SLC39A11: variants seen among roughly 807,000 people sequenced by gnomAD.
SLC39A11 encodes the protein zinc transporter ZIP11.
Under a neutral mutation model 36.1 loss-of-function variants are expected in SLC39A11, and 33 were observed. The observed-to-expected ratio is 0.91, with a 90% CI of 0.69 to 1.22. The LOEUF (loss-of-function observed/expected upper bound fraction) is 1.22, where lower values mean the gene tolerates loss of function less well. Ranked by LOEUF, SLC39A11 falls within the 50% of genes most tolerant of loss-of-function variation. The pLI, the probability that SLC39A11 is intolerant of heterozygous loss-of-function variation, is 0.00. For synonymous variants in SLC39A11, 166 were observed against 170.3 expected, an observed-to-expected ratio of 0.97 and a Z score of 0.20; for missense variants, 432 against 430.3, an observed-to-expected ratio of 1.00 and a Z score of -0.03.
chr17:73,084,074 G>A (rs2144802249), intron 3 of SLC39A11, among the ~76,000 whole-genome samples: 1 of 152,272 alleles, frequency 6.6e-6, no homozygotes, highest in East Asian at 1.9e-4. Context: ...TGTCAATAAT[G>A]ATTGAAGTTG....
chr17:72,983,448 C>CTGT (rs1377040790), intron 4 of SLC39A11, among the ~76,000 whole-genome samples: 1 of 152,174 alleles, frequency 6.6e-6, no homozygotes, highest in East Asian at 1.9e-4. Flanking sequence ...TGTGCCCAGC[C>CTGT]TGTTGTTGTT....
rs371669840 is a variant in SLC39A11 at position 72,891,114 on chromosome 17, G to T, written c.431-41310C>A. 1.3e-4 allele frequency among the ~76,000 whole-genome samples: 20 copies of T among 152,042 alleles called. No individual in the cohort carries two copies. In the East Asian group the frequency reaches 2.7e-3, roughly 21 times the overall value. ...GTTGGGGGGTGGGGGGTGGCAGGGC[G>T]GAGGGAAGACTTTTCCAGATAAAAG... is the stretch of plus-strand genomic sequence containing the variant. On this transcript the variant is annotated intron_variant, in intron 5 of 9. Transcript: ENST00000255559.
At chr17:72,895,464 A>G (rs1192737321) in intron 5 of SLC39A11, among the ~76,000 whole-genome samples, 1 of 152,078 alleles carries the variant, frequency 6.6e-6, no homozygotes, top group Non-Finnish European at 1.5e-5. Context: ...CTGTAATCCC[A>G]GCTACATGGG....
chr17:72,981,609 A>G lies in SLC39A11; in HGVS notation c.307-33734T>C, dbSNP rs983677639. On this transcript the variant is annotated intron_variant, in intron 4 of 9. Transcript: ENST00000255559. ...TATTTAAATGCAAAAAAAAAAAAAA[A>G]GGAAACCAAGTTGTAGAAAAAAAAT... 3.3e-4 allele frequency among the ~76,000 whole-genome samples: 38 copies of G among 116,818 alleles called. 1 individual carries two copies. Among genetic ancestry groups the G allele is most frequent in the African/African-American group, 1.1e-3 (37 of 33,708 alleles). The allele number at this position is 116,818 out of a possible 152,430, so 76.6% of individuals were successfully genotyped here.
intron 4 of SLC39A11, among the ~76,000 whole-genome samples, chr17:72,971,023 C>T (rs751629137): frequency 3.3e-5 from 5 of 152,160 alleles, no homozygotes; most frequent in Non-Finnish European, 5.9e-5. Context: ...CTTCCTTATG[C>T]GGCCGGATGT....
chr17:72,673,152 G>C (rs2071093259), intron 7 of SLC39A11, among the ~76,000 whole-genome samples: 1 of 152,010 alleles, frequency 6.6e-6, no homozygotes, highest in African/African-American at 2.4e-5. Flanking sequence ...CTGTCACCCA[G>C]GCTGGAGAGC....
rs138898190 is a variant in SLC39A11 at position 73,080,860 on chromosome 17, G to A, written c.147+3948C>T. On this transcript the variant is annotated intron_variant, in intron 3 of 9. Transcript: ENST00000255559. ...CTTGGGAGGCTGAGGCAGGAGAATCGCTTGAACCCTGGTGACAGAGGATGC... is the reference window on the plus strand; with the variant it reads ...CTTGGGAGGCTGAGGCAGGAGAATCACTTGAACCCTGGTGACAGAGGATGC... Among the ~76,000 whole-genome samples the A allele has an allele frequency of 2.7e-3, 418 of 152,106 alleles. 1 individual carries two copies. Among genetic ancestry groups the A allele is most frequent in the African/African-American group, 9.5e-3 (396 of 41,490 alleles).
At chr17:72,659,065 G>A (rs2070287368) in intron 7 of SLC39A11, among the ~76,000 whole-genome samples, 1 of 152,148 alleles carries the variant, frequency 6.6e-6, no homozygotes, top group Non-Finnish European at 1.5e-5. Flanking sequence ...TCCTGCAGTG[G>A]CAACTTGGCC....
At chr17:72,786,179 C>A (rs1457364878) in intron 6 of SLC39A11, among the ~76,000 whole-genome samples, 1 of 152,174 alleles carries the variant, frequency 6.6e-6, no homozygotes, top group Non-Finnish European at 1.5e-5. Flanking sequence ...GCCTGGGCAC[C>A]CAGCTGGAAT....
intron 6 of SLC39A11, among the ~76,000 whole-genome samples, chr17:72,769,991 T>C (rs2075879494): frequency 6.6e-6 from 1 of 152,148 alleles, no homozygotes; most frequent in Non-Finnish European, 1.5e-5. Flanking sequence ...ACTGAACCAA[T>C]ATACCTCCTA....
chr17:72,802,011 C>T (rs2077100300), intron 6 of SLC39A11, among the ~76,000 whole-genome samples: 1 of 152,198 alleles, frequency 6.6e-6, no homozygotes, highest in African/African-American at 2.4e-5. Context: ...TCCGTAGAAT[C>T]ACTGTGAAGA....
chr17:73,030,797 C>A (rs1456835324), intron 4 of SLC39A11, among the ~76,000 whole-genome samples: 1 of 152,152 alleles, frequency 6.6e-6, no homozygotes, highest in African/African-American at 2.4e-5. Context: ...CAATGGCTTG[C>A]GGTTCCCATC....
chr17:72,738,858 G>T (rs554445423), intron 6 of SLC39A11, among the ~76,000 whole-genome samples: 3 of 152,282 alleles, frequency 2.0e-5, no homozygotes, highest in South Asian at 4.2e-4. Context: ...TCTGTTTGAA[G>T]TGGGTCCAGG....
chr17:72,812,111 A>G (rs1200861681), intron 6 of SLC39A11, among the ~76,000 whole-genome samples: 1 of 152,230 alleles, frequency 6.6e-6, no homozygotes, highest in Non-Finnish European at 1.5e-5. Flanking sequence ...TGGCCTTAGT[A>G]TAAATGATAT....
intron 5 of SLC39A11, among the ~76,000 whole-genome samples, chr17:72,895,758 T>G (rs1598316278): frequency 1.3e-5 from 2 of 152,318 alleles, no homozygotes; most frequent in East Asian, 3.9e-4. Flanking sequence ...TTTCTATTCT[T>G]TGAGTTCAAG....
chr17:72,988,223 C>T (rs568901234), intron 4 of SLC39A11, among the ~76,000 whole-genome samples: 31 of 152,284 alleles, frequency 2.0e-4, no homozygotes, highest in Admixed American at 1.8e-3. Flanking sequence ...GGGGCCAAGG[C>T]GGGAAGATCA....
At position 73,062,475 on chromosome 17, in the gene SLC39A11, A is replaced by AAAAAAAACAAAAAAAAAAAC. The variant is rs56021607; in HGVS notation, c.147+22332_147+22333insGTTTTTTTTTTTGTTTTTTT. Among the ~76,000 whole-genome samples, 23 of 87,046 alleles carry AAAAAAAACAAAAAAAAAAAC rather than the reference A, an allele frequency of 2.6e-4. 1 individual carries two copies. The highest frequency in any genetic ancestry group is 8.9e-4 in the Admixed American group (6 of 6,722). The allele number at this position is 87,046 out of a possible 152,430, so 57.1% of individuals were successfully genotyped here. ...AGAGCTTGTCTCAAAAAAAAAAAAA[A>AAAAAAAACAAAAAAAAAAAC]AAACTTTAGGTGATACACTTCTGCT... On this transcript the variant is annotated intron_variant, in intron 3 of 9. Transcript: ENST00000255559.
intron 3 of SLC39A11, among the ~76,000 whole-genome samples, chr17:73,078,108 T>G (rs966824814): frequency 4.0e-5 from 6 of 151,680 alleles, no homozygotes; most frequent in Non-Finnish European, 8.8e-5. Flanking sequence ...TGTGGTGGCG[T>G]GCACCTGTAG....
At chr17:72,745,727 A>G (rs2074907915) in intron 6 of SLC39A11, among the ~76,000 whole-genome samples, 1 of 152,200 alleles carries the variant, frequency 6.6e-6, no homozygotes, top group Non-Finnish European at 1.5e-5. Flanking sequence ...TCATAGTATC[A>G]GTTTTAGAAG....
Sources: gnomAD v4.1 joint callset for allele counts (sites outside exome capture counted in the v4.1 genomes callset) on GRCh38, gnomAD v4.1.1 for gene constraint, MANE v1.5 for transcripts, NCBI Gene and HGNC (gene_info 2026-07-23, HGNC 2026-07-21) for gene names.